The following ZBED6 variants were observed in gnomAD, a reference collection of about 807,000 sequenced individuals.
ZBED6 encodes the protein zinc finger BED domain-containing protein 6.
A neutral mutation model predicts 58.4 loss-of-function variants in ZBED6; 40 were observed. The ratio of observed to expected loss-of-function variants is 0.68; its 90% CI spans 0.53 to 0.89. The LOEUF (loss-of-function observed/expected upper bound fraction) is 0.89. Ranked by LOEUF, ZBED6 falls within the 40% of genes least tolerant of loss-of-function variation. The probability of loss-of-function intolerance (pLI) is 0.00; values close to 1 mark genes in which losing one functional copy is unlikely to be tolerated. For missense variants in ZBED6, 1,057 were observed against 1,003.9 expected (o/e 1.05, Z -0.71); for synonymous variants, 439 against 350.6 (o/e 1.25, Z -2.82).
intron 12 of ZBED6, 31 bp downstream of exon 12, chr1:203,847,718 G>A (rs756081929): frequency 8.8e-6 from 14 of 1,596,642 alleles, no homozygotes; most frequent in African/African-American, 2.7e-5. Flanking sequence ...CTAGTACCAC[G>A]TCCCCACATA....
chr1:203,807,871 A>G (rs1672920600), intron 1 of ZBED6, among the ~76,000 whole-genome samples: 1 of 151,994 alleles, frequency 6.6e-6, no homozygotes, highest in South Asian at 2.1e-4. Context: ...CGTCCCAAGT[A>G]GCTGGGAGTA....
intron 1 of ZBED6, among the ~76,000 whole-genome samples, chr1:203,808,071 T>C (rs1443093088): frequency 6.6e-6 from 1 of 152,154 alleles, no homozygotes; most frequent in Non-Finnish European, 1.5e-5. Flanking sequence ...TTTTATTGAG[T>C]ACTTTTTTGT....
chr1:203,798,598 C>T, exon 1 of ZBED6: 1 of 1,536,148 alleles, frequency 6.5e-7, no homozygotes, highest in East Asian at 2.4e-5. Context: ...CAAGATTTAA[C>T]AGCTGAGGAC....
chr1:203,830,426 C>A (rs1681869212), intron 7 of ZBED6, among the ~76,000 whole-genome samples: 1 of 152,168 alleles, frequency 6.6e-6, no homozygotes, highest in Non-Finnish European at 1.5e-5. Context: ...TCTGAAAGAA[C>A]TTGTATATCT....
chr1:203,817,192 C>T, intron 2 of ZBED6, 68 bp downstream of exon 2: 1 of 1,354,424 alleles, frequency 7.4e-7, no homozygotes. Flanking sequence ...AAGATTTTCC[C>T]AACATTTTAA....
chr1:203,847,833 G>A, intron 12 of ZBED6, 146 bp downstream of exon 12: 1 of 1,188,710 alleles, frequency 8.4e-7, no homozygotes, highest in Non-Finnish European at 1.2e-6. Flanking sequence ...TTTTTCAGTA[G>A]TGCTATGTAG....
At chr1:203,796,227 C>A in exon 1 of ZBED6, 1 of 392,908 alleles carries the variant, frequency 2.5e-6, no homozygotes, top group Non-Finnish European at 4.5e-6. Context: ...TGAGCGGACC[C>A]TCACTGCCTA....
chr1:203,800,423 T>C (rs1177094940), exon 1 of ZBED6: 1 of 1,364,628 alleles, frequency 7.3e-7, no homozygotes, highest in Non-Finnish European at 1.0e-6. Context: ...CTGAGCAGAA[T>C]GAAGTTGTTC....
intron 11 of ZBED6, among the ~76,000 whole-genome samples, chr1:203,844,883 C>T (rs1053200840): frequency 1.3e-5 from 2 of 152,010 alleles, no homozygotes; most frequent in Non-Finnish European, 2.9e-5. Context: ...TTTTCATGCT[C>T]TACTTCTCTC....
intron 15 of ZBED6, 84 bp downstream of exon 15, chr1:203,850,765 T>G (rs1689067613): frequency 6.6e-7 from 1 of 1,518,090 alleles, no homozygotes; most frequent in African/African-American, 1.4e-5. Context: ...CATTCTATCT[T>G]GAGTATATCA....
In ZBED6 at chr1:203,800,005, C is replaced by G. The variant is rs1382209685; in HGVS notation, c.2483C>G (p.Ser828Ter). The G allele has an allele frequency of 1.3e-6, 2 of 1,536,006 alleles. No individual in the cohort carries two copies. The highest frequency in any genetic ancestry group is 2.0e-5 in the Admixed American group (1 of 50,972). Reference sequence around the variant, plus strand: ...CCCTCAGTTACAGTGGGAGCTGATTCATTTACCTCATCTCTAAAAGAAGGC... The same window carrying G: ...CCCTCAGTTACAGTGGGAGCTGATTGATTTACCTCATCTCTAAAAGAAGGC... The change falls in exon 1 of 17, where the codon TCA becomes TGA. Residue 828 changes from serine to a stop codon, truncating the protein, a stop_gained. Transcript: ENST00000550078. LOFTEE classifies it high-confidence loss of function.
At chr1:203,799,649 G>C in exon 1 of ZBED6, 1 of 703,916 alleles carries the variant, frequency 1.4e-6, no homozygotes, top group Non-Finnish European at 2.6e-6. Context: ...CCGCAGGATT[G>C]AATCAGGTGC....
intron 14 of ZBED6, 102 bp downstream of exon 14, chr1:203,850,128 T>C: frequency 9.7e-7 from 1 of 1,033,722 alleles, no homozygotes; most frequent in Non-Finnish European, 1.4e-6. Context: ...TTGAATTTCA[T>C]TTGCCTTCTA....
At chr1:203,830,080 A>G (rs778536229) in intron 6 of ZBED6, 43 bp from the exon 7 acceptor site, 1 of 1,496,400 alleles carries the variant, frequency 6.7e-7, no homozygotes, top group South Asian at 1.2e-5. Flanking sequence ...TACAAAGATG[A>G]AAAGGCTCCC....
chr1:203,798,492 G>A (rs747382390), exon 1 of ZBED6: 2 of 1,536,014 alleles, frequency 1.3e-6, no homozygotes, highest in East Asian at 4.9e-5. Flanking sequence ...TGCCAACAAA[G>A]ACAGTGGTGC....
intron 7 of ZBED6, among the ~76,000 whole-genome samples, chr1:203,830,925 A>ATTTTATT (rs1682066696): frequency 1.9e-5 from 1 of 51,352 alleles, no homozygotes; most frequent in African/African-American, 7.1e-5. Flanking sequence ...CCAACCCCCA[A>ATTTTATT]TTTTTTTTTT....
intron 14 of ZBED6, 22 bp downstream of exon 14, chr1:203,850,048 A>G (rs553777723): frequency 6.2e-7 from 1 of 1,610,786 alleles, no homozygotes. Flanking sequence ...TATACTGTGT[A>G]TTGCTTTAGG....
chr1:203,824,141 C>T (rs1679695458), intron 3 of ZBED6, among the ~76,000 whole-genome samples: 1 of 151,842 alleles, frequency 6.6e-6, no homozygotes, highest in African/African-American at 2.4e-5. Context: ...GGTGACGCAG[C>T]CATGTAGTCC....
At chr1:203,817,898 G>A (rs11240560) in intron 2 of ZBED6, among the ~76,000 whole-genome samples, 73,492 of 151,732 alleles carry the variant, frequency 0.48, 18,625 homozygotes, top group Non-Finnish European at 0.53. Context: ...GATTTCTGGC[G>A]CCTGCCACCA....
Sources: allele counts gnomAD v4.1 joint callset (sites outside exome capture counted in the v4.1 genomes callset), GRCh38; gene constraint gnomAD v4.1.1; transcripts MANE v1.5; gene names NCBI Gene and HGNC (gene_info 2026-07-23, HGNC 2026-07-21).